The following KIF3A variants were observed in gnomAD, a reference collection of about 807,000 sequenced individuals.
KIF3A encodes kinesin-like protein KIF3A.
In KIF3A, 27 loss-of-function variants were observed where a neutral mutation model predicts 92.6. The ratio of observed to expected loss-of-function variants is 0.29; its 90% confidence interval spans 0.21 to 0.40. The LOEUF is 0.40. Ranked by LOEUF, KIF3A falls within the 10% of genes least tolerant of loss-of-function variation. The pLI is 1.00. For synonymous variants in KIF3A, 250 were observed against 275.4 expected (o/e 0.91, Z 0.92); for missense variants, 581 against 872.6 (o/e 0.67, Z 4.21).
intron 5 of KIF3A, 97 bp from the exon 6 acceptor site, chr5:132,717,081 C>A (rs1753650497): frequency 1.7e-6 from 2 of 1,197,416 alleles, no homozygotes; most frequent in Non-Finnish European, 2.4e-6. Context: ...AATTTTATCA[C>A]AATCAAAAGC....
rs929048480 is a variant in KIF3A, at chr5:132,702,204, A to G, written c.1767T>C (p.Asp589=). The G allele has an allele frequency of 1.2e-5, 19 of 1,612,912 alleles. No homozygotes were observed. The highest frequency in any genetic ancestry group is 1.6e-5 in the Non-Finnish European group (19 of 1,179,314). ...TTTCCCTCTGATGTTCTTGTTGGAG[A>G]TCAGCCATCTACCAGAAAATCCATA... ...MLMAAKSEMA[D]LQQEHQREIE... Residue 589 remains aspartate (D), a synonymous_variant, in exon 15 of 19, where the codon GAT becomes GAC. Coordinates refer to ENST00000403231, the MANE Select transcript of KIF3A (RefSeq NM_001300791.2).
At chr5:132,701,391 C>T (rs1190043941) in intron 15 of KIF3A, among the ~76,000 whole-genome samples, 2 of 149,976 alleles carry the variant, frequency 1.3e-5, no homozygotes, top group South Asian at 2.1e-4. Flanking sequence ...CCCAGCTACT[C>T]GGGAGGCAGA....
intron 5 of KIF3A, among the ~76,000 whole-genome samples, chr5:132,719,843 G>T (rs975273000): frequency 2.6e-5 from 4 of 152,164 alleles, no homozygotes; most frequent in African/African-American, 9.7e-5. Flanking sequence ...TGAGGCATCT[G>T]TATAATATCG....
chr5:132,708,904 C>A lies in KIF3A; in HGVS notation c.1300+3G>T, dbSNP rs1753318489. ...GTTAGAGAATGTAAGAGCTACCACT[C>A]ACTAGGCAAGAACTTATCCAGAGGT... On this transcript the variant is annotated splice_donor_region_variant and intron_variant, in intron 10 of 18. Coordinates refer to ENST00000403231, the MANE Select transcript of KIF3A (RefSeq NM_001300791.2). 2 of 1,546,034 alleles carry A rather than the reference C, an allele frequency of 1.3e-6. No individual in the cohort carries two copies. The highest frequency in any genetic ancestry group is 8.7e-7 in the Non-Finnish European group (1 of 1,143,074).
At chr5:132,733,300 A>AATT (rs1311447616) in intron 2 of KIF3A, among the ~76,000 whole-genome samples, 1 of 152,190 alleles carries the variant, frequency 6.6e-6, no homozygotes, top group Non-Finnish European at 1.5e-5. Flanking sequence ...AAGCTACCTA[A>AATT]AGAAATCAAT....
At chr5:132,708,100 G>A (rs1466619603) in intron 10 of KIF3A, among the ~76,000 whole-genome samples, 1 of 151,926 alleles carries the variant, frequency 6.6e-6, no homozygotes, top group African/African-American at 2.4e-5. Flanking sequence ...TGGCTAACAC[G>A]GTGAAACCCC....
At chr5:132,712,787 G>T (rs1435880521) in intron 8 of KIF3A, among the ~76,000 whole-genome samples, 1 of 152,168 alleles carries the variant, frequency 6.6e-6, no homozygotes, top group East Asian at 1.9e-4. Context: ...TATATGACCA[G>T]TACTCTTCAA....
rs777446414 is a variant in KIF3A, at chr5:132,726,542, C to T, written c.281-44G>A. 7.1e-5 allele frequency: 110 copies of T among 1,540,552 alleles called. 1 individual carries two copies. Among genetic ancestry groups the T allele is most frequent in the Non-Finnish European group, 9.3e-5 (104 of 1,117,898 alleles). ...ATCAGTTACTTCTTAAAGTCTAATG[C>T]TACAGAACAATAGCTCTTAAAATTA... On this transcript the variant is annotated intron_variant, in intron 2 of 18. Transcript: ENST00000403231.
rs760057901 is a variant in KIF3A at position 132,734,248 on chromosome 5, T to G, written c.237A>C (p.Leu79Phe). The G allele has an allele frequency of 6.2e-7, 1 of 1,613,890 alleles. No individual in the cohort carries two copies. The highest frequency in any genetic ancestry group is 8.5e-7 in the Non-Finnish European group (1 of 1,179,762). ...CAGAATCAATAATAGGTCTTGCAGTTAAGTTATAAACATCAAGTTGTTTAC... is the reference window on the plus strand; with the variant it reads ...CAGAATCAATAATAGGTCTTGCAGTGAAGTTATAAACATCAAGTTGTTTAC... ...PESKQLDVYN[L>F]TARPIIDSVL... is the part of the protein sequence containing the mutation. The change falls in exon 2 of 19, where the codon TTA becomes TTC. Residue 79 changes from leucine to phenylalanine, a missense_variant. Coordinates refer to ENST00000403231, the MANE Select transcript of KIF3A (RefSeq NM_001300791.2).
intron 4 of KIF3A, among the ~76,000 whole-genome samples, chr5:132,724,808 T>A (rs10052500): frequency 0.37 from 5,948 of 16,112 alleles, 896 homozygotes; most frequent in East Asian, 0.57. Context: ...AAAAAAAAAA[T>A]ATATATATAT....
Position 132,695,886 on chromosome 5 carries a change from C to G in KIF3A, c.*748G>C, listed in dbSNP as rs1295322651. 1 of 152,212 alleles carries G rather than the reference C, an allele frequency of 6.6e-6. No homozygotes were observed. Among genetic ancestry groups the G allele is most frequent in the Admixed American group, 6.6e-5 (1 of 15,248 alleles). 9.4% of individuals were successfully genotyped at this position (152,212 alleles called of 1,614,324 possible). ...AGCAGTATTTAGCTTCTTAATTTTC[C>G]GCAACAGTAGATCCTTTATATTTAC... On this transcript the variant is annotated 3_prime_UTR_variant, in exon 19 of 19. Transcript: ENST00000403231.
At chr5:132,717,716 A>T (rs1561703298) in intron 5 of KIF3A, among the ~76,000 whole-genome samples, 2 of 151,916 alleles carry the variant, frequency 1.3e-5, no homozygotes. Context: ...AACAAAAAAC[A>T]TTTTTTTACA....
At chr5:132,715,302 A>T (rs552188702) in intron 8 of KIF3A, among the ~76,000 whole-genome samples, 3 of 152,208 alleles carry the variant, frequency 2.0e-5, no homozygotes, top group African/African-American at 7.2e-5. Flanking sequence ...GTATGAAAGG[A>T]TATTTTAAAG....
chr5:132,702,718 AT>A, intron 13 of KIF3A, 50 bp from the exon 14 acceptor site: 1 of 1,402,412 alleles, frequency 7.1e-7, no homozygotes. Context: ...GTAAAATCAA[AT>A]ATCTAATTCT....
chr5:132,711,588 T>TA (rs1753426435), intron 8 of KIF3A, among the ~76,000 whole-genome samples: 1 of 90,978 alleles, frequency 1.1e-5, no homozygotes, highest in African/African-American at 3.0e-5. Flanking sequence ...TGACTCTGTC[T>TA]CAAAAAAAAA....
intron 4 of KIF3A, chr5:132,723,336 T>C (rs1336537035): frequency 6.6e-6 from 1 of 152,136 alleles, no homozygotes; most frequent in Non-Finnish European, 1.5e-5. Flanking sequence ...GAGCCCGCAT[T>C]GCCAAGTCAA....
intron 2 of KIF3A, among the ~76,000 whole-genome samples, chr5:132,729,525 A>C (rs1016618157): frequency 1.3e-5 from 2 of 152,214 alleles, no homozygotes; most frequent in African/African-American, 4.8e-5. Context: ...AGTCTTAATA[A>C]ATTTAAAAAC....
At chr5:132,732,177 G>A (rs749389438) in intron 2 of KIF3A, among the ~76,000 whole-genome samples, 2 of 152,294 alleles carry the variant, frequency 1.3e-5, no homozygotes, top group South Asian at 2.1e-4. Flanking sequence ...ACAAGTGCTG[G>A]CAAAGATGTG....
intron 8 of KIF3A, 141 bp from the exon 9 acceptor site, chr5:132,711,198 G>C (rs1237565118): frequency 8.6e-6 from 6 of 694,846 alleles, no homozygotes; most frequent in Non-Finnish European, 1.5e-5. Context: ...CTCCTAGAAA[G>C]TATAACAGAT....
Sources: allele counts gnomAD v4.1 joint callset (sites outside exome capture counted in the v4.1 genomes callset), GRCh38; gene constraint gnomAD v4.1.1; transcripts MANE v1.5; gene names NCBI Gene and HGNC (gene_info 2026-07-23, HGNC 2026-07-21).